The following RIMS2 variants were observed in gnomAD, a reference collection of about 807,000 sequenced individuals.
The protein encoded by RIMS2 is regulating synaptic membrane exocytosis protein 2.
In RIMS2, 59 loss-of-function variants were observed where a neutral mutation model predicts 174.4. The ratio of observed to expected loss-of-function variants is 0.34; its 90% CI spans 0.27 to 0.42. The LOEUF (loss-of-function observed/expected upper bound fraction) is 0.42. Ranked by LOEUF, RIMS2 falls within the 10% of genes least tolerant of loss-of-function variation. The pLI is 1.00. For missense variants in RIMS2, 1,620 were observed against 1,666.3 expected (o/e 0.97, Z 0.48); for synonymous variants, 606 against 572.5 (o/e 1.06, Z -0.84).
intron 1 of RIMS2, among the ~76,000 whole-genome samples, chr8:103,581,317 T>C (rs1349719953): frequency 6.6e-6 from 1 of 152,186 alleles, no homozygotes; most frequent in East Asian, 1.9e-4. Flanking sequence ...GAATCAAGCA[T>C]GGGCCAACAT....
rs748792291 is a variant in RIMS2, at chr8:104,014,503, T to C, written c.3225-3T>C. 6.4e-7 allele frequency: 1 copy of C among 1,566,078 alleles called. No homozygotes were observed. Among genetic ancestry groups the C allele is most frequent in the South Asian group, 1.1e-5 (1 of 89,292 alleles). ...AAAATGAATATTAATGGTGTGTCTT[T>C]AGGTCTCATCCTCGTACTGGGTCTG... On this transcript the variant is annotated splice_polypyrimidine_tract_variant and splice_region_variant and intron_variant, in intron 18 of 23. Transcript: ENST00000504942.
intron 1 of RIMS2, among the ~76,000 whole-genome samples, chr8:103,680,042 C>G (rs926498978): frequency 3.9e-5 from 6 of 151,976 alleles, no homozygotes; most frequent in Admixed American, 6.6e-5. Flanking sequence ...CTGTCTGGTG[C>G]TTTACAGAAA....
At chr8:103,944,168 G>T (rs1054047100) in intron 14 of RIMS2, among the ~76,000 whole-genome samples, 1 of 151,884 alleles carries the variant, frequency 6.6e-6, no homozygotes, top group African/African-American at 2.4e-5. Context: ...GGTATTAATT[G>T]AGCACTAATT....
intron 1 of RIMS2, among the ~76,000 whole-genome samples, chr8:103,511,429 A>G (rs1826384712): frequency 6.6e-6 from 1 of 152,218 alleles, no homozygotes; most frequent in Non-Finnish European, 1.5e-5. Context: ...TTTGAATTTA[A>G]TATTTCCACA....
chr8:103,792,787 G>T (rs1267599288), intron 3 of RIMS2, among the ~76,000 whole-genome samples: 1 of 152,042 alleles, frequency 6.6e-6, no homozygotes, highest in Non-Finnish European at 1.5e-5. Context: ...ACTACCATCA[G>T]AGAATACTAT....
chr8:104,232,196 C>T (rs894767431), intron 19 of RIMS2, among the ~76,000 whole-genome samples: 1 of 152,124 alleles, frequency 6.6e-6, no homozygotes, highest in Non-Finnish European at 1.5e-5. Flanking sequence ...TGAACAAGTA[C>T]CTGGTCGGTT....
intron 19 of RIMS2, among the ~76,000 whole-genome samples, chr8:104,063,154 T>G (rs2097035824): frequency 6.6e-6 from 1 of 152,012 alleles, no homozygotes; most frequent in African/African-American, 2.4e-5. Context: ...CAACTTAATA[T>G]TTACACCAAT....
At position 103,936,902 on chromosome 8, in the gene RIMS2, T is replaced by C. The variant is rs570557452; in HGVS notation, c.2547+180T>C. Among the ~76,000 whole-genome samples the C allele has an allele frequency of 5.2e-4, 79 of 152,202 alleles. 1 individual carries two copies. The highest frequency in any genetic ancestry group is 3.7e-3 in the South Asian group (18 of 4,828). On this transcript the variant is annotated intron_variant, in intron 13 of 23. Transcript: ENST00000504942. ...CGAGGTCAGAAGATTGAGACCATCC[T>C]GGCTAACATGGTGAAACCCCGTCTC...
intron 19 of RIMS2, among the ~76,000 whole-genome samples, chr8:104,067,333 G>A (rs900167851): frequency 5.3e-5 from 8 of 152,074 alleles, no homozygotes; most frequent in Non-Finnish European, 7.4e-5. Context: ...GTATATGATC[G>A]AGATTTTTAA....
chr8:103,522,694 C>T (rs978524781), intron 1 of RIMS2, among the ~76,000 whole-genome samples: 1 of 152,034 alleles, frequency 6.6e-6, no homozygotes, highest in Non-Finnish European at 1.5e-5. Flanking sequence ...AAAGAGTAAT[C>T]GATTATTTAT....
At chr8:104,196,339 C>CAA (rs2099024251) in intron 19 of RIMS2, among the ~76,000 whole-genome samples, 1 of 152,076 alleles carries the variant, frequency 6.6e-6, no homozygotes, top group Non-Finnish European at 1.5e-5. Flanking sequence ...AATAACCTTA[C>CAA]GAAACAAAAG....
rs2097624579 is a variant in RIMS2, at chr8:103,732,875, A to G, written c.388-33352A>G. On this transcript the variant is annotated intron_variant, in intron 2 of 23. Coordinates refer to ENST00000504942, the Ensembl canonical transcript of RIMS2. The stretch of plus-strand genomic sequence containing the variant: ...TTGACTCAGGGGAGGTCCAGGGTCA[A>G]GGAGTGAAGGCTTGGAAGTGGGACT... Among the ~76,000 whole-genome samples the G allele has an allele frequency of 2.6e-5, 4 of 152,272 alleles. No individual in the cohort carries two copies. The South Asian group carries it at 6.2e-4, about 24-fold the overall frequency.
At chr8:104,171,944 G>A (rs2098834926) in intron 19 of RIMS2, among the ~76,000 whole-genome samples, 1 of 152,164 alleles carries the variant, frequency 6.6e-6, no homozygotes, top group African/African-American at 2.4e-5. Context: ...GTCTTTGTGT[G>A]TTGGCTTTCC....
intron 1 of RIMS2, among the ~76,000 whole-genome samples, chr8:103,664,889 C>T (rs994559016): frequency 6.6e-6 from 1 of 152,094 alleles, no homozygotes; most frequent in African/African-American, 2.4e-5. Flanking sequence ...ATGTCCATCA[C>T]TGATAGACTG....
intron 14 of RIMS2, among the ~76,000 whole-genome samples, chr8:103,960,147 T>C (rs2089451378): frequency 1.3e-5 from 2 of 152,198 alleles, no homozygotes; most frequent in African/African-American, 2.4e-5. Context: ...GGTGTGTCTG[T>C]TCCTGAAACA....
chr8:104,144,201 A>C (rs2098609179), intron 19 of RIMS2, among the ~76,000 whole-genome samples: 2 of 152,278 alleles, frequency 1.3e-5, no homozygotes, highest in South Asian at 4.1e-4. Flanking sequence ...TTTTGCCATA[A>C]ATCAATCTCT....
At chr8:103,605,221 T>A (rs2094991847) in intron 1 of RIMS2, among the ~76,000 whole-genome samples, 1 of 120,882 alleles carries the variant, frequency 8.3e-6, no homozygotes, top group African/African-American at 3.6e-5. Context: ...AGTTGTTGAA[T>A]TTTGTCAAAG....
At chr8:103,911,974 T>C in intron 5 of RIMS2, 79 bp from the exon 9 acceptor site, 1 of 1,121,346 alleles carries the variant, frequency 8.9e-7, no homozygotes, top group Non-Finnish European at 1.3e-6. Context: ...CAATCAGAGA[T>C]CATTTGTCAT....
At chr8:104,210,791 T>G (rs1297782778) in intron 19 of RIMS2, among the ~76,000 whole-genome samples, 2 of 152,228 alleles carry the variant, frequency 1.3e-5, no homozygotes, top group Non-Finnish European at 2.9e-5. Flanking sequence ...AATTGACCTG[T>G]CAAGAACAGT....
Sources: allele counts gnomAD v4.1 joint callset (sites outside exome capture counted in the v4.1 genomes callset), GRCh38; gene constraint gnomAD v4.1.1; transcripts MANE v1.5; gene names NCBI Gene and HGNC (gene_info 2026-07-23, HGNC 2026-07-21).